The following PAEP variants were observed in gnomAD, a reference collection of about 807,000 sequenced individuals.
The protein encoded by PAEP is glycodelin.
PAEP carries 28 observed loss-of-function variants against 23.0 expected under a neutral mutation model. That is an observed-to-expected ratio of 1.22 (90% CI 0.90 to 1.67). The LOEUF is 1.67. PAEP is among the 40% of genes most tolerant of loss of function. PAEP has a pLI of 0.00. For missense variants in PAEP, 209 were observed against 226.4 expected, an observed-to-expected ratio of 0.92 and a Z score of 0.49; for synonymous variants, 103 against 92.4, an observed-to-expected ratio of 1.12 and a Z score of -0.66.
At chr9:135,565,333 C>T in intron 4 of PAEP, 77 bp from the exon 5 acceptor site, 2 of 1,224,152 alleles carry the variant, frequency 1.6e-6, no homozygotes, top group Non-Finnish European at 2.4e-6. Context: ...GCCCTCCCTC[C>T]TCAGGCAAGG....
In PAEP at chr9:135,562,347, G is replaced by A; in HGVS notation, c.150G>A (p.Met50Ile). 2 of 1,614,118 alleles carry A rather than the reference G, an allele frequency of 1.2e-6. No homozygotes were observed. Among genetic ancestry groups the A allele is most frequent in the Non-Finnish European group, 1.7e-6 (2 of 1,180,014 alleles). The change falls in exon 2 of 7, where the codon ATG becomes ATA. Residue 50 changes from methionine (M) to isoleucine (I), a missense_variant. Transcript: ENST00000479141. ...TGGCGACCAACAACATCTCCCTCAT[G>A]GCGACACTGAAGGCCCCTCTGAGGG... ...MAMATNNISL[M>I]ATLKAPLRVH...
chr9:135,565,207 T>A, intron 4 of PAEP: 1 of 589,950 alleles, frequency 1.7e-6, no homozygotes, highest in Non-Finnish European at 3.0e-6. Context: ...GGCCAAGGAG[T>A]GGGAGCTGGG....
chr9:135,562,246 G>C (rs760300019), intron 1 of PAEP, 48 bp from the exon 2 acceptor site: 1 of 1,598,330 alleles, frequency 6.3e-7, no homozygotes. Context: ...CGGGTGCAAC[G>C]AGAGCCATGG....
chr9:135,565,953 G>C (rs1240075339), intron 6 of PAEP, 152 bp downstream of exon 6: 2 of 853,022 alleles, frequency 2.3e-6, no homozygotes, highest in East Asian at 4.9e-5. Context: ...TGTGATTCCA[G>C]AAAGCCAGGC....
chr9:135,564,249 GT>G lies in PAEP; in HGVS notation c.317del (p.Val106GlyfsTer30). 1 of 1,552,574 alleles carries G rather than the reference GT, an allele frequency of 6.4e-7. No homozygotes were observed. The highest frequency in any genetic ancestry group is 1.2e-5 in the South Asian group (1 of 84,090). ...NPKKFKINYT[V>X]ANEATLLDTD... The stretch of plus-strand genomic sequence containing the variant: ...TTCTTCTCTTCTTTCCCCAGATACG[GT>G]GGCGAACGAGGCCACGCTGCTCGAT... On this transcript the variant is annotated frameshift_variant, in exon 4 of 7. Transcript: ENST00000479141. LOFTEE classifies it high-confidence loss of function.
Position 135,561,893 on chromosome 9 carries a change from CA to C in PAEP, c.95del (p.Lys32SerfsTer22), listed in dbSNP as rs755343433. 1 of 1,555,100 alleles carries C rather than the reference CA, an allele frequency of 6.4e-7. No individual in the cohort carries two copies. Among genetic ancestry groups the C allele is most frequent in the South Asian group, 1.2e-5 (1 of 84,790 alleles). ...IPQTKQDLEL[P>X]KLAGTWHSMA... ...CAGACCAAGCAGGACCTGGAGCTCC[CA>C]AAGGTTTGAGGCTGGGGGAGCGGGC... On this transcript the variant is annotated frameshift_variant, in exon 1 of 7. Transcript: ENST00000479141. LOFTEE classifies it high-confidence loss of function.
At position 135,562,277 on chromosome 9, in the gene PAEP, G is replaced by A. The variant is rs1832335357; in HGVS notation, c.97-17G>A. 1.2e-6 allele frequency: 2 copies of A among 1,611,850 alleles called. No individual in the cohort carries two copies. ...CATGGTGGGGTGGGACCGCCGTGCA[G>A]CCCAAGGCCCCCTCAGTTGGCAGGG... On this transcript the variant is annotated splice_polypyrimidine_tract_variant and intron_variant, in intron 1 of 6. Coordinates refer to ENST00000479141, the MANE Select transcript of PAEP (RefSeq NM_002571.4).
rs1832596065 is a variant in PAEP, at chr9:135,566,881, A to G, written c.*329A>G. ...CCTGGCAGAACCGGAGCTCCTACAG[A>G]CCCATGGGCAGCTTCTGGTGGAGAA... On this transcript the variant is annotated 3_prime_UTR_variant, in exon 7 of 7. Coordinates refer to ENST00000479141, the MANE Select transcript of PAEP (RefSeq NM_002571.4). 1 of 153,260 alleles carries G rather than the reference A, an allele frequency of 6.5e-6. No homozygotes were observed. Among genetic ancestry groups the G allele is most frequent in the Non-Finnish European group, 1.5e-5 (1 of 68,052 alleles). The allele number at this position is 153,260 out of a possible 1,614,324, so 9.5% of individuals were successfully genotyped here.
At chr9:135,562,745 G>T in intron 2 of PAEP, 75 bp from the exon 3 acceptor site, 1 of 1,257,096 alleles carries the variant, frequency 8.0e-7, no homozygotes, top group Admixed American at 1.7e-5. Flanking sequence ...TTCCCGTGGT[G>T]ACCTGATTTT....
At chr9:135,566,255 G>A (rs1448262493) in intron 6 of PAEP, 2 of 161,964 alleles carry the variant, frequency 1.2e-5, no homozygotes, top group African/African-American at 2.4e-5. Flanking sequence ...CTGCAACCTC[G>A]ACCTCCTGGG....
intron 4 of PAEP, 188 bp downstream of exon 4, chr9:135,564,542 C>T (rs962013996): frequency 3.8e-5 from 36 of 941,228 alleles, no homozygotes; most frequent in Non-Finnish European, 4.6e-5. Context: ...CTCATTCTGT[C>T]ACTCAGGCTG....
intron 1 of PAEP, among the ~76,000 whole-genome samples, 167 bp from the exon 2 acceptor site, chr9:135,562,127 A>G (rs1192838529): frequency 6.6e-6 from 1 of 152,146 alleles, no homozygotes; most frequent in Admixed American, 6.5e-5. Context: ...GTTAGCACAC[A>G]CTGGTCATTT....
Position 135,561,852 on chromosome 9 carries a change from G to T in PAEP, c.51G>T (p.Pro17=). The T allele has an allele frequency of 1.3e-6, 2 of 1,567,366 alleles. No homozygotes were observed. Among genetic ancestry groups the T allele is most frequent in the African/African-American group, 1.4e-5 (1 of 73,996 alleles). ...GCGTGGCCCTGGTCTGTGGTGTCCC[G>T]GCCATGGACATCCCCCAGACCAAGC... The part of the protein sequence containing the change: ...TLGVALVCGV[P]AMDIPQTKQD... Residue 17 remains proline, a synonymous_variant, in exon 1 of 7, where the codon CCG becomes CCT. Transcript: ENST00000479141.
At chr9:135,564,723 T>A (rs1832497226) in intron 4 of PAEP, 8 of 819,590 alleles carry the variant, frequency 9.8e-6, no homozygotes, top group Non-Finnish European at 1.2e-5. Context: ...CAGGCTGGTC[T>A]CCAACTCCTG....
chr9:135,565,344 C>A, intron 4 of PAEP, 66 bp from the exon 5 acceptor site: 1 of 1,321,240 alleles, frequency 7.6e-7, no homozygotes, highest in Non-Finnish European at 1.1e-6. Flanking sequence ...TCAGGCAAGG[C>A]CTCTGGAGCT....
chr9:135,562,368 G>A lies in PAEP; in HGVS notation c.171G>A (p.Leu57=), dbSNP rs746910732. Residue 57 remains leucine (L), a synonymous_variant, in exon 2 of 7, where the codon CTG becomes CTA. Coordinates refer to ENST00000479141, the MANE Select transcript of PAEP (RefSeq NM_002571.4). ...ISLMATLKAP[L]RVHITSLLPT... Reference sequence around the variant, plus strand: ...TCATGGCGACACTGAAGGCCCCTCTGAGGGTCCACATCACCTCACTGTTGC... The same window carrying A: ...TCATGGCGACACTGAAGGCCCCTCTAAGGGTCCACATCACCTCACTGTTGC... 6 of 1,614,164 alleles carry A rather than the reference G, an allele frequency of 3.7e-6. No individual in the cohort carries two copies. In the Admixed American group the frequency reaches 1.0e-4, roughly 27 times the overall value.
At chr9:135,563,506 ACAGGTGGG>A (rs1227855476) in intron 3 of PAEP, among the ~76,000 whole-genome samples, 1 of 29,930 alleles carries the variant, frequency 3.3e-5, no homozygotes, top group African/African-American at 1.1e-4. Context: ...GGGTAGGTGA[ACAGGTGGG>A]CAGGTGGGCA....
At chr9:135,564,852 G>A in intron 4 of PAEP, 1 of 985,438 alleles carries the variant, frequency 1.0e-6, no homozygotes, top group African/African-American at 1.7e-5. Context: ...ACAAAGCAAG[G>A]AGCTGATATA....
At chr9:135,566,416 C>G (rs1380753070) in intron 6 of PAEP, 137 bp from the exon 7 acceptor site, 2 of 154,220 alleles carry the variant, frequency 1.3e-5, no homozygotes, top group African/African-American at 2.4e-5. Context: ...GATCCCCCCG[C>G]TTTAGCCTCC....
Sources: allele counts gnomAD v4.1 joint callset (sites outside exome capture counted in the v4.1 genomes callset), GRCh38; gene constraint gnomAD v4.1.1; transcripts MANE v1.5; gene names NCBI Gene and HGNC (gene_info 2026-07-23, HGNC 2026-07-21).